WASF3: variants seen among roughly 807,000 people sequenced by gnomAD.
WASF3 encodes the protein WASP family member 3.
Under a neutral mutation model 46.6 loss-of-function variants are expected in WASF3, and 11 were observed. That is an observed-to-expected ratio of 0.24 (90% CI 0.15 to 0.39). The LOEUF (loss-of-function observed/expected upper bound fraction) is 0.39. Ranked by LOEUF, WASF3 falls within the 10% of genes least tolerant of loss-of-function variation. WASF3 has a pLI of 1.00. For missense variants in WASF3, 576 were observed against 669.8 expected, an observed-to-expected ratio of 0.86 and a Z score of 1.55; for synonymous variants, 242 against 259.7, an observed-to-expected ratio of 0.93 and a Z score of 0.65.
At chr13:26,543,715 C>T in the WASF3 span, among the ~76,000 whole-genome samples, 239 of 152,234 alleles carry the variant, frequency 1.6e-3, no homozygotes, top group African/African-American at 4.9e-3. Context: ...TTCTATGGAA[C>T]CTGCCTCAAG....
At chr13:26,577,900 C>G (rs750425920) in intron 1 of WASF3, among the ~76,000 whole-genome samples, 6 of 152,146 alleles carry the variant, frequency 3.9e-5, no homozygotes, top group Non-Finnish European at 8.8e-5. Context: ...CAGAGGAACT[C>G]CCTTAGGTTT....
At chr13:26,577,215 T>G in intron 1 of WASF3, 1 of 736,962 alleles carries the variant, frequency 1.4e-6, no homozygotes, top group Admixed American at 1.8e-5. Flanking sequence ...CAAAATGTGT[T>G]CCATGGTCAA....
intron 1 of WASF3, among the ~76,000 whole-genome samples, chr13:26,590,894 A>G (rs1880272483): frequency 6.6e-6 from 1 of 152,206 alleles, no homozygotes; most frequent in South Asian, 2.1e-4. Context: ...ATATTAGAAG[A>G]TAATAGATGG....
intron 5 of WASF3, among the ~76,000 whole-genome samples, chr13:26,670,695 C>T (rs1264131772): frequency 6.6e-6 from 1 of 152,084 alleles, no homozygotes; most frequent in Non-Finnish European, 1.5e-5. Context: ...ATCTTTTTCA[C>T]AATAATGTTA....
chr13:26,541,783 C>T, the WASF3 span, among the ~76,000 whole-genome samples: 5 of 152,178 alleles, frequency 3.3e-5, no homozygotes, highest in African/African-American at 1.2e-4. Context: ...GTGCCTGGCC[C>T]AGAGCCCACC....
intron 3 of WASF3, among the ~76,000 whole-genome samples, chr13:26,664,536 A>T (rs1882717230): frequency 6.6e-6 from 1 of 152,252 alleles, no homozygotes; most frequent in Non-Finnish European, 1.5e-5. Context: ...AGCGCTATAT[A>T]CCTAGATTTC....
intron 2 of WASF3, among the ~76,000 whole-genome samples, chr13:26,629,448 C>A (rs1185609627): frequency 6.6e-6 from 1 of 152,200 alleles, no homozygotes; most frequent in Admixed American, 6.5e-5. Context: ...GTGTCCTGCC[C>A]ACAGCTCCAC....
intron 3 of WASF3, among the ~76,000 whole-genome samples, chr13:26,643,699 C>T (rs1057116763): frequency 6.6e-6 from 1 of 152,156 alleles, no homozygotes; most frequent in Non-Finnish European, 1.5e-5. Context: ...TGCCTGTTGG[C>T]ACAAAGTGTA....
intron 5 of WASF3, among the ~76,000 whole-genome samples, chr13:26,671,632 T>C (rs1173904860): frequency 6.6e-6 from 1 of 152,180 alleles, no homozygotes; most frequent in Non-Finnish European, 1.5e-5. Context: ...TTTTCTATAC[T>C]CAATTCTAAA....
At chr13:26,576,007 T>C (rs1006557472) in intron 1 of WASF3, among the ~76,000 whole-genome samples, 5 of 152,150 alleles carry the variant, frequency 3.3e-5, no homozygotes, top group African/African-American at 4.8e-5. Context: ...TAGAGTATTA[T>C]TTTAAATATT....
chr13:26,675,316 T>A (rs1883031258), intron 6 of WASF3, among the ~76,000 whole-genome samples: 2 of 152,104 alleles, frequency 1.3e-5, no homozygotes, highest in African/African-American at 2.4e-5. Flanking sequence ...TTTATTTCTT[T>A]GAGTGCAGTG....
chr13:26,647,216 T>A (rs1882176882), intron 3 of WASF3, among the ~76,000 whole-genome samples: 1 of 152,204 alleles, frequency 6.6e-6, no homozygotes. Flanking sequence ...TTTAAAAAGA[T>A]CACCACATTC....
At chr13:26,641,749 C>T (rs189228055) in intron 2 of WASF3, among the ~76,000 whole-genome samples, 57 of 152,110 alleles carry the variant, frequency 3.7e-4, no homozygotes, top group African/African-American at 1.1e-3. Context: ...CCTGGAAGGC[C>T]GGATGGATGG....
chr13:26,596,071 C>T (rs1039867403), intron 1 of WASF3, among the ~76,000 whole-genome samples: 23 of 148,606 alleles, frequency 1.5e-4, no homozygotes, highest in African/African-American at 5.7e-4. Flanking sequence ...TCCAGAGTAG[C>T]TGTACTATTT....
intron 2 of WASF3, among the ~76,000 whole-genome samples, chr13:26,630,139 G>A (rs1276738843): frequency 6.6e-6 from 1 of 152,042 alleles, no homozygotes; most frequent in Non-Finnish European, 1.5e-5. Context: ...TCTCAGGCAT[G>A]ATGAGTTTTA....
the WASF3 span, among the ~76,000 whole-genome samples, chr13:26,550,352 T>C: frequency 6.6e-6 from 1 of 152,224 alleles, no homozygotes; most frequent in Non-Finnish European, 1.5e-5. Flanking sequence ...CTTCGTTGTT[T>C]GTAAAGTCTG....
At chr13:26,600,815 T>A (rs115138261) in intron 1 of WASF3, among the ~76,000 whole-genome samples, 1,673 of 152,266 alleles carry the variant, frequency 0.011, 14 homozygotes, top group African/African-American at 0.024. Context: ...CACTGTAGAA[T>A]GTTAATGTCT....
At chr13:26,674,437 A>G (rs1223792074) in intron 6 of WASF3, among the ~76,000 whole-genome samples, 1 of 152,190 alleles carries the variant, frequency 6.6e-6, no homozygotes, top group Non-Finnish European at 1.5e-5. Flanking sequence ...GTACACACCC[A>G]ATACATGCTG....
Position 26,688,403 on chromosome 13 carries a change from G to C in WASF3, c.*2558G>C, listed in dbSNP as rs1247674816. The C allele has an allele frequency of 6.6e-6, 1 of 152,174 alleles. No individual in the cohort carries two copies. The highest frequency in any genetic ancestry group is 1.9e-4 in the East Asian group (1 of 5,194). 9.4% of individuals were successfully genotyped at this position (152,174 alleles called of 1,614,324 possible). A position where few individuals can be genotyped will look rare whatever the true frequency, so the allele number is the denominator to read the frequency against. Reference sequence around the variant, plus strand: ...TCCCTCGTATTATTTCTCCACGTCTGTTTTAGTTTAATGTCTCCTAAGCTT... The same window carrying C: ...TCCCTCGTATTATTTCTCCACGTCTCTTTTAGTTTAATGTCTCCTAAGCTT... On this transcript the variant is annotated 3_prime_UTR_variant, in exon 10 of 10. Transcript: ENST00000335327.
Sources: gnomAD v4.1 joint callset for allele counts (sites outside exome capture counted in the v4.1 genomes callset) on GRCh38, gnomAD v4.1.1 for gene constraint, MANE v1.5 for transcripts, NCBI Gene and HGNC (gene_info 2026-07-23, HGNC 2026-07-21) for gene names.